LGR6: variants seen among roughly 807,000 people sequenced by gnomAD.
The protein encoded by LGR6 is leucine-rich repeat-containing G protein-coupled receptor 6.
LGR6 carries 45 observed loss-of-function variants against 69.4 expected under a neutral mutation model. That is an observed-to-expected ratio of 0.65 (90% CI 0.51 to 0.83). The LOEUF is 0.83. Among genes scored for constraint, LGR6 ranks in the 40% least tolerant of loss-of-function variants. LGR6 has a pLI of 0.00. For synonymous variants in LGR6, 538 were observed against 555.0 expected, an observed-to-expected ratio of 0.97 and a Z score of 0.43; for missense variants, 1,108 against 1,246.7, an observed-to-expected ratio of 0.89 and a Z score of 1.68.
intron 6 of LGR6, among the ~76,000 whole-genome samples, chr1:202,296,512 C>G (rs532095282): frequency 6.6e-6 from 1 of 152,188 alleles, no homozygotes; most frequent in Non-Finnish European, 1.5e-5. Context: ...CCTCTTTCCC[C>G]GGGGCTCCCC....
chr1:202,210,712 A>T (rs978892320), intron 1 of LGR6: 2 of 152,204 alleles, frequency 1.3e-5, no homozygotes, highest in Non-Finnish European at 2.9e-5. Flanking sequence ...TGCCTTTCCT[A>T]TTCATTCTCT....
In LGR6 at chr1:202,289,378, A is replaced by G. The variant is rs569073616; in HGVS notation, c.717-8130A>G. On this transcript the variant is annotated intron_variant, in intron 6 of 17. Transcript: ENST00000367278. The stretch of plus-strand genomic sequence containing the variant: ...TTCCTCTTTGGGGGCAGGTTGGACT[A>G]TTACTTTTTACCACCCTTCTAATTC... 3.3e-5 allele frequency among the ~76,000 whole-genome samples: 5 copies of G among 152,326 alleles called. No individual in the cohort carries two copies. The East Asian group carries it at 5.8e-4, about 18-fold the overall frequency.
chr1:202,295,514 G>A (rs1667090181), intron 6 of LGR6, among the ~76,000 whole-genome samples: 2 of 152,102 alleles, frequency 1.3e-5, no homozygotes, highest in African/African-American at 4.8e-5. Context: ...AAAAAGAGAG[G>A]CCATTGCTTT....
chr1:202,259,908 G>A (rs1180286959), intron 4 of LGR6, among the ~76,000 whole-genome samples: 1 of 152,196 alleles, frequency 6.6e-6, no homozygotes, highest in South Asian at 2.1e-4. Flanking sequence ...CCGGCTGTCA[G>A]CAATCACGGT....
rs376561784 is a variant in LGR6, at chr1:202,280,839, A to G, written c.703A>G (p.Asn235Asp). Residue 235 changes from asparagine (N) to aspartate (D), a missense_variant, in exon 6 of 18, where the codon AAT becomes GAT. Coordinates refer to ENST00000367278, the MANE Select transcript of LGR6 (RefSeq NM_001017403.2). ...GACCCACAGCTTCGAGGGGCTGCAC[A>G]ATCTGGAGACACTGTGAGTTTTGAG... The part of the protein sequence containing the change: ...LGTHSFEGLH[N>D]LETLDLNYNK... The G allele has an allele frequency of 1.2e-6, 2 of 1,613,708 alleles. No individual in the cohort carries two copies. Among genetic ancestry groups the G allele is most frequent in the South Asian group, 1.1e-5 (1 of 91,022 alleles).
chr1:202,261,707 A>G (rs1256722816), intron 4 of LGR6, among the ~76,000 whole-genome samples: 3 of 152,210 alleles, frequency 2.0e-5, no homozygotes, highest in Admixed American at 2.0e-4. Context: ...CCAACAGTGT[A>G]AAAGTATTCC....
At chr1:202,314,290 C>A (rs184111894) in intron 16 of LGR6, among the ~76,000 whole-genome samples, 3 of 152,146 alleles carry the variant, frequency 2.0e-5, no homozygotes, top group African/African-American at 7.2e-5. Flanking sequence ...AGTTAAACAC[C>A]GCCCAGTTGC....
chr1:202,219,669 G>T (rs1660017852), intron 1 of LGR6, among the ~76,000 whole-genome samples: 1 of 152,054 alleles, frequency 6.6e-6, no homozygotes. Flanking sequence ...TGAGAGTAAT[G>T]CACTCATTTG....
At chr1:202,213,086 G>A (rs1363689009) in intron 1 of LGR6, among the ~76,000 whole-genome samples, 1 of 152,138 alleles carries the variant, frequency 6.6e-6, no homozygotes, top group Non-Finnish European at 1.5e-5. Flanking sequence ...CTGTTCACAG[G>A]GGCACACACA....
chr1:202,318,403 C>T lies in LGR6; in HGVS notation c.2100C>T (p.Ala700=), dbSNP rs1352665588. ...GCTGCCTGGCACTGGCAGGGCTGGC[C>T]GCCGCGCTGCCCCTGGCCTCAGTGG... is the stretch of plus-strand genomic sequence containing the variant. ...VLGCLALAGL[A]AALPLASVGE... is the part of the protein sequence containing the mutation. Residue 700 remains alanine, a synonymous_variant, in exon 18 of 18, where the codon GCC becomes GCT. Coordinates refer to ENST00000367278, the MANE Select transcript of LGR6 (RefSeq NM_001017403.2). 13 of 1,605,210 alleles carry T rather than the reference C, an allele frequency of 8.1e-6. No individual in the cohort carries two copies. The highest frequency in any genetic ancestry group is 1.1e-5 in the Non-Finnish European group (13 of 1,175,952).
At chr1:202,312,021 C>T (rs1172028772) in intron 16 of LGR6, among the ~76,000 whole-genome samples, 1 of 152,236 alleles carries the variant, frequency 6.6e-6, no homozygotes, top group Non-Finnish European at 1.5e-5. Flanking sequence ...TGTACACTCC[C>T]TCAGGGGGCT....
intron 4 of LGR6, among the ~76,000 whole-genome samples, chr1:202,243,946 TTG>T (rs1460040259): frequency 4.4e-5 from 2 of 45,426 alleles, no homozygotes; most frequent in Non-Finnish European, 8.8e-5. Flanking sequence ...AGTCTTTTTG[TTG>T]TTGTTGTTGT....
chr1:202,256,522 C>T (rs1325309621), intron 4 of LGR6, among the ~76,000 whole-genome samples: 1 of 152,214 alleles, frequency 6.6e-6, no homozygotes, highest in Non-Finnish European at 1.5e-5. Context: ...GGATTACAGG[C>T]GTGAGCCACC....
At position 202,318,300 on chromosome 1, in the gene LGR6, A is replaced by G. The variant is rs143440987; in HGVS notation, c.1997A>G (p.Gln666Arg). The G allele has an allele frequency of 5.0e-6, 8 of 1,597,144 alleles. No individual in the cohort carries two copies. The African/African-American group carries it at 9.4e-5, about 19-fold the overall frequency. Residue 666 changes from glutamine to arginine, a missense_variant, in exon 18 of 18, where the codon CAG becomes CGG. By Grantham distance (43) the Gln-to-Arg change is conservative. Coordinates refer to ENST00000367278, the MANE Select transcript of LGR6 (RefSeq NM_001017403.2). ...SVLLLTLAAV[Q>R]CSVSVSCVRA... ...CTGCTGCTCACTCTGGCCGCAGTGC[A>G]GTGCAGCGTCTCCGTCTCCTGTGTC...
intron 1 of LGR6, among the ~76,000 whole-genome samples, chr1:202,224,796 C>T (rs886998223): frequency 1.3e-5 from 2 of 152,186 alleles, no homozygotes; most frequent in African/African-American, 2.4e-5. Context: ...TGGTCTGCTG[C>T]CCCCGGGTTG....
In LGR6 at chr1:202,317,935, T is replaced by A. The variant is rs1234416108; in HGVS notation, c.1649-17T>A. 1 of 1,584,696 alleles carries A rather than the reference T, an allele frequency of 6.3e-7. No homozygotes were observed. Among genetic ancestry groups the A allele is most frequent in the Non-Finnish European group, 8.6e-7 (1 of 1,163,664 alleles). On this transcript the variant is annotated splice_polypyrimidine_tract_variant and intron_variant, in intron 17 of 17. Coordinates refer to ENST00000367278, the MANE Select transcript of LGR6 (RefSeq NM_001017403.2). ...ACCATCCTCTGGCCCAGGGTTAATG[T>A]CTGATCTCTCCTACAGGCCCCTTCA...
intron 3 of LGR6, among the ~76,000 whole-genome samples, chr1:202,231,015 T>C (rs1660988746): frequency 1.3e-5 from 2 of 152,170 alleles, no homozygotes; most frequent in Admixed American, 1.3e-4. Flanking sequence ...TGACTGTGGA[T>C]TCTTAGCCCA....
At chr1:202,317,870 T>G in intron 17 of LGR6, 82 bp from the exon 18 acceptor site, 2 of 1,350,908 alleles carry the variant, frequency 1.5e-6, no homozygotes, top group South Asian at 2.8e-5. Flanking sequence ...GGAAATTCTC[T>G]GAATACAGAG....
rs761470187 is a variant in LGR6 at position 202,301,202 on chromosome 1, C to G, written c.896C>G (p.Ser299Trp). ...AACCCAATCCAGTTTGTGGGAAGAT[C>G]GGCATTCCAGTACCTGCCTAAACTC... ...YDNPIQFVGRSAFQYLPKLHT... is the reference protein window; with the variant it reads ...YDNPIQFVGRWAFQYLPKLHT... Residue 299 changes from serine to tryptophan, a missense_variant, in exon 9 of 18, where the codon TCG becomes TGG. Ser to Trp is a radical substitution (Grantham distance 177, BLOSUM62 -3). Coordinates refer to ENST00000367278, the MANE Select transcript of LGR6 (RefSeq NM_001017403.2). 2 of 1,614,198 alleles carry G rather than the reference C, an allele frequency of 1.2e-6. No individual in the cohort carries two copies. Among genetic ancestry groups the G allele is most frequent in the Non-Finnish European group, 8.5e-7 (1 of 1,180,032 alleles).
Sources: gnomAD v4.1 joint callset for allele counts (sites outside exome capture counted in the v4.1 genomes callset) on GRCh38, gnomAD v4.1.1 for gene constraint, MANE v1.5 for transcripts, NCBI Gene and HGNC (gene_info 2026-07-23, HGNC 2026-07-21) for gene names.